The following SYN3 variants were observed in gnomAD, a reference collection of about 807,000 sequenced individuals.
SYN3 encodes the protein synapsin-3.
In SYN3, 35 loss-of-function variants were observed where a neutral mutation model predicts 65.8. The ratio of observed to expected loss-of-function variants is 0.53; its 90% CI spans 0.41 to 0.70. SYN3 has a LOEUF of 0.70. Ranked by LOEUF, SYN3 falls within the 30% of genes least tolerant of loss-of-function variation. The pLI is 0.00. For synonymous variants in SYN3, 270 were observed against 292.9 expected, an observed-to-expected ratio of 0.92 and a Z score of 0.80; for missense variants, 680 against 749.0, an observed-to-expected ratio of 0.91 and a Z score of 1.08.
chr22:33,051,126 G>A (rs1434878564), intron 1 of SYN3, among the ~76,000 whole-genome samples: 1 of 152,064 alleles, frequency 6.6e-6, no homozygotes, highest in African/African-American at 2.4e-5. Context: ...GCTCAGAAAC[G>A]TTCGGTGACT....
intron 1 of SYN3, among the ~76,000 whole-genome samples, chr22:33,048,897 C>T (rs977805467): frequency 1.3e-5 from 2 of 152,158 alleles, no homozygotes; most frequent in African/African-American, 4.8e-5. Flanking sequence ...TCTCCTTCAC[C>T]CCATGCCCTA....
chr22:32,646,318 C>T (rs530279901), intron 6 of SYN3, among the ~76,000 whole-genome samples: 2 of 152,264 alleles, frequency 1.3e-5, no homozygotes, highest in South Asian at 4.1e-4. Context: ...AAAAGTCTGG[C>T]GCAACTCTAG....
intron 7 of SYN3, among the ~76,000 whole-genome samples, chr22:32,594,870 T>C (rs2059176625): frequency 6.6e-6 from 1 of 152,158 alleles, no homozygotes; most frequent in Non-Finnish European, 1.5e-5. Context: ...ACTATAGATG[T>C]GAGGTGAAGA....
At chr22:32,684,406 A>G (rs1440921966) in intron 6 of SYN3, among the ~76,000 whole-genome samples, 1 of 152,186 alleles carries the variant, frequency 6.6e-6, no homozygotes, top group South Asian at 2.1e-4. Flanking sequence ...CTGGAATTCT[A>G]AGAAACAAAA....
intron 6 of SYN3, among the ~76,000 whole-genome samples, chr22:32,644,462 G>C (rs1248807181): frequency 6.6e-6 from 1 of 152,128 alleles, no homozygotes; most frequent in South Asian, 2.1e-4. Context: ...TGCCACGTGA[G>C]TGTCAGGGGC....
intron 1 of SYN3, among the ~76,000 whole-genome samples, chr22:33,023,363 T>C (rs2053589746): frequency 6.6e-6 from 1 of 152,214 alleles, no homozygotes; most frequent in Non-Finnish European, 1.5e-5. Context: ...GGAGTTCCCT[T>C]GCACACACTT....
At position 32,984,191 on chromosome 22, in the gene SYN3, A is replaced by C. The variant is rs190902114; in HGVS notation, c.312-3489T>G. Among the ~76,000 whole-genome samples the C allele has an allele frequency of 8.8e-3, 1,041 of 118,774 alleles. 9 individuals carry two copies. Among genetic ancestry groups the C allele is most frequent in the South Asian group, 0.044 (160 of 3,622 alleles). 77.9% of individuals were successfully genotyped at this position (118,774 alleles called of 152,430 possible). On this transcript the variant is annotated intron_variant, in intron 2 of 13. Coordinates refer to ENST00000358763, the MANE Select transcript of SYN3 (RefSeq NM_003490.4). ...AAAAAAAAAAAAAAGAAAAAGAAAA[A>C]GAAAAGAAAAAAGAAAAAAAGAGTC...
intron 6 of SYN3, among the ~76,000 whole-genome samples, chr22:32,813,813 T>C (rs2046981666): frequency 1.3e-5 from 2 of 152,292 alleles, no homozygotes; most frequent in Admixed American, 1.3e-4. Context: ...GGTCTCATTT[T>C]TCCTATCTGT....
intron 4 of SYN3, among the ~76,000 whole-genome samples, chr22:32,879,214 A>G (rs999735398): frequency 2.6e-5 from 4 of 152,218 alleles, no homozygotes; most frequent in Non-Finnish European, 4.4e-5. Context: ...TTTTCTACCC[A>G]GGGAGGTAAA....
chr22:32,977,274 TC>T (rs2052226460), intron 3 of SYN3, among the ~76,000 whole-genome samples: 1 of 152,166 alleles, frequency 6.6e-6, no homozygotes, highest in Non-Finnish European at 1.5e-5. Flanking sequence ...TTAGGGCAAT[TC>T]CCTGATGGTC....
chr22:32,928,494 A>G (rs931467005), intron 4 of SYN3, among the ~76,000 whole-genome samples: 1 of 152,244 alleles, frequency 6.6e-6, no homozygotes, highest in Non-Finnish European at 1.5e-5. Flanking sequence ...TGAAGATCTC[A>G]TGCAATTTAT....
At chr22:32,843,921 T>TG (rs1461296167) in intron 6 of SYN3, among the ~76,000 whole-genome samples, 1 of 151,944 alleles carries the variant, frequency 6.6e-6, no homozygotes, top group Non-Finnish European at 1.5e-5. Context: ...GAGACAGGAA[T>TG]GGGGGTGTTG....
chr22:32,570,284 T>A (rs2058741441), intron 7 of SYN3, among the ~76,000 whole-genome samples: 1 of 152,166 alleles, frequency 6.6e-6, no homozygotes. Flanking sequence ...CGCCAGGGGA[T>A]GGCTAGACTC....
chr22:32,648,164 C>A (rs570959899), intron 6 of SYN3, among the ~76,000 whole-genome samples: 179 of 152,140 alleles, frequency 1.2e-3, no homozygotes, highest in Non-Finnish European at 1.9e-3. Flanking sequence ...CCTGGCTTAG[C>A]TTTTGAGACT....
chr22:32,953,830 C>T (rs995553062), intron 3 of SYN3, among the ~76,000 whole-genome samples: 2 of 152,076 alleles, frequency 1.3e-5, no homozygotes, highest in Non-Finnish European at 2.9e-5. Context: ...CTCCTCATCC[C>T]CCTCCTCCTT....
intron 1 of SYN3, among the ~76,000 whole-genome samples, chr22:33,030,662 G>C (rs1339268061): frequency 2.0e-5 from 3 of 150,168 alleles, no homozygotes; most frequent in Non-Finnish European, 4.5e-5. Flanking sequence ...GATAGAGACA[G>C]AGAGAGAGAG....
At chr22:32,810,807 A>G (rs1008373443) in intron 6 of SYN3, among the ~76,000 whole-genome samples, 4 of 152,082 alleles carry the variant, frequency 2.6e-5, no homozygotes, top group African/African-American at 9.7e-5. Context: ...GAGGTGTTTG[A>G]CTAAGGTGTT....
chr22:32,938,255 G>A (rs184984858), intron 3 of SYN3, among the ~76,000 whole-genome samples: 7 of 152,260 alleles, frequency 4.6e-5, no homozygotes, highest in Admixed American at 2.6e-4. Context: ...CAGGCTGGGC[G>A]CGGTGGCTCA....
At chr22:32,564,851 G>C (rs1207079320) in intron 7 of SYN3, among the ~76,000 whole-genome samples, 1 of 149,940 alleles carries the variant, frequency 6.7e-6, no homozygotes, top group Non-Finnish European at 1.5e-5. Flanking sequence ...CACCCAAACA[G>C]TGCTCCCGGA....
Sources: gnomAD v4.1 joint callset for allele counts (sites outside exome capture counted in the v4.1 genomes callset) on GRCh38, gnomAD v4.1.1 for gene constraint, MANE v1.5 for transcripts, NCBI Gene and HGNC (gene_info 2026-07-23, HGNC 2026-07-21) for gene names.